The following DNAH11 variants were observed in gnomAD, a reference collection of about 807,000 sequenced individuals.
DNAH11 encodes dynein axonemal heavy chain 11, also known as axonemal beta dynein heavy chain 11.
In DNAH11, 442 loss-of-function variants were observed where a neutral mutation model predicts 526.0. The observed-to-expected ratio is 0.84, with a 90% CI of 0.78 to 0.91. The LOEUF is 0.91. Among genes scored for constraint, DNAH11 ranks in the 40% least tolerant of loss-of-function variants. DNAH11 has a pLI of 0.00. For missense variants in DNAH11, 6,989 were observed against 5,448.7 expected (o/e 1.28, Z -8.90); for synonymous variants, 2,461 against 1,935.9 (o/e 1.27, Z -7.12).
intron 62 of DNAH11, among the ~76,000 whole-genome samples, chr7:21,803,045 A>G (rs987545608): frequency 3.3e-5 from 5 of 151,916 alleles, no homozygotes; most frequent in African/African-American, 9.7e-5. Flanking sequence ...GTTACTTTTT[A>G]AAGTATAAAG....
chr7:21,601,064 G>A lies in DNAH11; in HGVS notation c.3310G>A (p.Val1104Met). 2 of 1,611,962 alleles carry A rather than the reference G, an allele frequency of 1.2e-6. No individual in the cohort carries two copies. The highest frequency in any genetic ancestry group is 1.7e-6 in the Non-Finnish European group (2 of 1,179,530). The change falls in exon 17 of 82, where the codon GTG becomes ATG. Residue 1104 changes from valine to methionine, a missense_variant. Physicochemically the swap from Val to Met is conservative, Grantham distance 21. Transcript: ENST00000409508. ...AATGAGCAAATTTGAGGACTTTAGAGTGTTTGATAGTTGGTTCAAGGTGGA... is the reference window on the plus strand; with the variant it reads ...AATGAGCAAATTTGAGGACTTTAGAATGTTTGATAGTTGGTTCAAGGTGGA... The part of the protein sequence containing the change: ...VQMSKFEDFR[V>M]FDSWFKVDMK...
intron 72 of DNAH11, 32 bp from the exon 73 acceptor site, chr7:21,868,832 A>T: frequency 6.2e-7 from 1 of 1,613,546 alleles, no homozygotes. Context: ...CTTCATAGAC[A>T]TTTCCTCTCA....
chr7:21,768,828 A>G (rs1001398290), intron 55 of DNAH11, among the ~76,000 whole-genome samples: 24 of 152,316 alleles, frequency 1.6e-4, no homozygotes, highest in Middle Eastern at 6.8e-3. Context: ...GGCATGCCAA[A>G]CACAAAGGGT....
intron 65 of DNAH11, among the ~76,000 whole-genome samples, chr7:21,833,383 AG>A (rs1485232715): frequency 6.6e-6 from 1 of 152,194 alleles, no homozygotes; most frequent in African/African-American, 2.4e-5. Context: ...AACCCAAGGT[AG>A]AGTGGCAATG....
At chr7:21,646,441 A>G (rs747850602) in intron 28 of DNAH11, among the ~76,000 whole-genome samples, 1 of 152,186 alleles carries the variant, frequency 6.6e-6, no homozygotes, top group Non-Finnish European at 1.5e-5. Context: ...TTCTGTCCTG[A>G]GAGAGTTTCC....
rs1331078667 is a variant in DNAH11, at chr7:21,742,050, C to G, written c.8038C>G (p.Pro2680Ala). 2 of 1,613,886 alleles carry G rather than the reference C, an allele frequency of 1.2e-6. No homozygotes were observed. The highest frequency in any genetic ancestry group is 1.7e-6 in the Non-Finnish European group (2 of 1,179,846). ...TGCTCCATCAATTCTCAGGAGTGGC[C>G]CCACTTTGATCCAGGCAACAATAGC... is the stretch of plus-strand genomic sequence containing the variant. The part of the protein sequence containing the change: ...AFAPSILRSG[P>A]TLIQATIAFH... Residue 2680 changes from proline to alanine, a missense_variant, in exon 49 of 82, where the codon CCC (proline) becomes GCC (alanine). Coordinates refer to ENST00000409508, the MANE Select transcript of DNAH11 (RefSeq NM_001277115.2).
intron 55 of DNAH11, among the ~76,000 whole-genome samples, chr7:21,770,849 G>A (rs1047829022): frequency 6.6e-6 from 1 of 152,074 alleles, no homozygotes; most frequent in Non-Finnish European, 1.5e-5. Context: ...GGCTCCCTCC[G>A]GAATCTTCTT....
At chr7:21,590,305 A>G (rs1001272981) in intron 12 of DNAH11, among the ~76,000 whole-genome samples, 4 of 152,212 alleles carry the variant, frequency 2.6e-5, no homozygotes, top group African/African-American at 9.6e-5. Flanking sequence ...TGAGACATAA[A>G]ATAAGCTTTC....
intron 2 of DNAH11, among the ~76,000 whole-genome samples, chr7:21,546,372 G>A (rs1782806549): frequency 6.6e-6 from 1 of 152,142 alleles, no homozygotes; most frequent in Admixed American, 6.5e-5. Flanking sequence ...TTCAGTACCA[G>A]GAACAATTTT....
chr7:21,630,174 A>C (rs1278273613), intron 25 of DNAH11, among the ~76,000 whole-genome samples: 1 of 152,104 alleles, frequency 6.6e-6, no homozygotes, highest in Non-Finnish European at 1.5e-5. Context: ...AAAGAAAAAA[A>C]AACCCAAAGA....
intron 42 of DNAH11, among the ~76,000 whole-genome samples, chr7:21,716,689 C>T (rs1253126608): frequency 6.6e-6 from 1 of 152,182 alleles, no homozygotes; most frequent in East Asian, 1.9e-4. Context: ...CAGGCACTGA[C>T]ACCTGCTTTC....
intron 65 of DNAH11, among the ~76,000 whole-genome samples, chr7:21,821,404 G>C (rs1790042797): frequency 6.6e-6 from 1 of 152,130 alleles, no homozygotes; most frequent in Non-Finnish European, 1.5e-5. Flanking sequence ...TATCTAGGGA[G>C]ACTCTGTACA....
At chr7:21,849,760 T>C (rs955341214) in intron 66 of DNAH11, among the ~76,000 whole-genome samples, 1 of 152,174 alleles carries the variant, frequency 6.6e-6, no homozygotes, top group African/African-American at 2.4e-5. Context: ...TCTTTGATAT[T>C]ATGCGGTTTG....
intron 62 of DNAH11, among the ~76,000 whole-genome samples, chr7:21,804,083 TTTTG>T (rs1004062285): frequency 2.2e-3 from 6 of 2,712 alleles, no homozygotes; most frequent in Non-Finnish European, 4.7e-3. Flanking sequence ...TAGTAGTTTT[TTTTG>T]TTTTGTTTTG....
intron 55 of DNAH11, among the ~76,000 whole-genome samples, chr7:21,771,112 A>G (rs981672225): frequency 6.6e-5 from 10 of 152,212 alleles, no homozygotes; most frequent in African/African-American, 2.4e-4. Context: ...CTGTAGGTAT[A>G]TGGCATTTAA....
At chr7:21,808,122 A>T in intron 63 of DNAH11, 73 bp downstream of exon 63, 1 of 1,242,244 alleles carries the variant, frequency 8.0e-7, no homozygotes, top group South Asian at 3.2e-5. Flanking sequence ...ACCCACATAT[A>T]TGCCAGGCGC....
chr7:21,829,651 T>G (rs1032791985), intron 65 of DNAH11, among the ~76,000 whole-genome samples: 1 of 152,240 alleles, frequency 6.6e-6, no homozygotes, highest in African/African-American at 2.4e-5. Flanking sequence ...CATTTTGGTT[T>G]TTATAATCAA....
chr7:21,548,884 CTT>C (rs201226653), intron 2 of DNAH11, among the ~76,000 whole-genome samples: 12 of 145,602 alleles, frequency 8.2e-5, no homozygotes, highest in East Asian at 4.0e-4. Context: ...CAATGACAGA[CTT>C]TTTTTTTTTT....
chr7:21,858,594 GA>G (rs1329773717), intron 68 of DNAH11, among the ~76,000 whole-genome samples: 6 of 152,160 alleles, frequency 3.9e-5, no homozygotes, highest in Non-Finnish European at 8.8e-5. Flanking sequence ...CGATTATGTT[GA>G]AAAGAAGCAG....
Sources: allele counts gnomAD v4.1 joint callset (sites outside exome capture counted in the v4.1 genomes callset), GRCh38; gene constraint gnomAD v4.1.1; transcripts MANE v1.5; gene names NCBI Gene and HGNC (gene_info 2026-07-23, HGNC 2026-07-21).